The following KAZN variants were observed in gnomAD, a reference collection of about 807,000 sequenced individuals.
KAZN encodes the protein kazrin.
KAZN carries 40 observed loss-of-function variants against 87.4 expected under a neutral mutation model. The observed-to-expected ratio is 0.46, with a 90% CI of 0.36 to 0.60. KAZN has a LOEUF of 0.60. Ranked by LOEUF, KAZN falls within the 20% of genes least tolerant of loss-of-function variation. The probability of loss-of-function intolerance (pLI) is 0.00; values close to 1 mark genes in which losing one functional copy is unlikely to be tolerated. For missense variants in KAZN, 898 were observed against 1,073.9 expected, an observed-to-expected ratio of 0.84 and a Z score of 2.29; for synonymous variants, 466 against 458.3, an observed-to-expected ratio of 1.02 and a Z score of -0.22.
At chr1:14,002,072 G>C (rs1274247356) in intron 1 of KAZN, among the ~76,000 whole-genome samples, 2 of 152,090 alleles carry the variant, frequency 1.3e-5, no homozygotes, top group Non-Finnish European at 2.9e-5. Flanking sequence ...GCAACCTACA[G>C]AATGGGAAAA....
At chr1:14,137,534 T>C (rs1055900693) in intron 1 of KAZN, among the ~76,000 whole-genome samples, 8 of 152,090 alleles carry the variant, frequency 5.3e-5, no homozygotes, top group Admixed American at 1.3e-4. Flanking sequence ...CAGCTGGGTG[T>C]CCTTCGGCAA....
intron 1 of KAZN, among the ~76,000 whole-genome samples, chr1:14,687,284 G>A (rs934029059): frequency 2.0e-5 from 3 of 152,324 alleles, no homozygotes; most frequent in African/African-American, 7.2e-5. Context: ...CCTGGGCTAG[G>A]CACTGTGGGC....
chr1:14,180,295 A>G (rs1646169167), intron 1 of KAZN: 1 of 662,696 alleles, frequency 1.5e-6, no homozygotes, highest in South Asian at 2.1e-5. Context: ...AATGGAATTT[A>G]TAGATGTGTC....
At chr1:13,975,353 T>G (rs1638294019) in intron 1 of KAZN, among the ~76,000 whole-genome samples, 1 of 152,224 alleles carries the variant, frequency 6.6e-6, no homozygotes, top group African/African-American at 2.4e-5. Flanking sequence ...AAAAAAGGTC[T>G]CTTTATTCTA....
At chr1:15,023,612 C>T (rs752811094) in intron 2 of KAZN, among the ~76,000 whole-genome samples, 104 of 152,176 alleles carry the variant, frequency 6.8e-4, no homozygotes, top group Admixed American at 2.0e-3. Flanking sequence ...AAGGACTTTG[C>T]GCTCCCCCTT....
At chr1:13,946,741 C>T (rs79141173) in intron 1 of KAZN, among the ~76,000 whole-genome samples, 5,203 of 152,234 alleles carry the variant, frequency 0.034, 121 homozygotes, top group Middle Eastern at 0.072. Context: ...GGTCACCTGA[C>T]ACTGTCTTTA....
intron 2 of KAZN, among the ~76,000 whole-genome samples, chr1:14,975,609 A>G (rs1313550419): frequency 3.3e-5 from 5 of 152,214 alleles, no homozygotes; most frequent in African/African-American, 1.2e-4. Flanking sequence ...GAATATTGGT[A>G]TAGTCCAGGC....
intron 1 of KAZN, among the ~76,000 whole-genome samples, chr1:14,797,353 C>G (rs1645860880): frequency 6.6e-6 from 1 of 152,144 alleles, no homozygotes; most frequent in Non-Finnish European, 1.5e-5. Flanking sequence ...GAGCCACCAT[C>G]CCTGGCCTAT....
chr1:14,766,123 T>C (rs1037567337), intron 1 of KAZN, among the ~76,000 whole-genome samples: 4 of 152,070 alleles, frequency 2.6e-5, no homozygotes, highest in Non-Finnish European at 5.9e-5. Flanking sequence ...TAGGGGGATA[T>C]ATGAGAGCGA....
intron 1 of KAZN, among the ~76,000 whole-genome samples, chr1:14,807,607 A>G (rs1375901713): frequency 3.3e-5 from 5 of 152,088 alleles, no homozygotes; most frequent in African/African-American, 9.7e-5. Flanking sequence ...TGTCTCTACA[A>G]GTTAAAAAAG....
intron 1 of KAZN, among the ~76,000 whole-genome samples, chr1:14,022,532 A>C (rs1177207939): frequency 3.3e-5 from 5 of 150,654 alleles, no homozygotes; most frequent in Non-Finnish European, 7.4e-5. Context: ...AGAAAAAAGA[A>C]ATAAAAATAA....
intron 2 of KAZN, among the ~76,000 whole-genome samples, chr1:15,018,160 C>G (rs1670316471): frequency 6.6e-6 from 1 of 152,148 alleles, no homozygotes; most frequent in Non-Finnish European, 1.5e-5. Context: ...CGTCTGCTCA[C>G]ACATATAATT....
intron 1 of KAZN, among the ~76,000 whole-genome samples, chr1:14,609,594 CT>C: frequency 6.6e-6 from 1 of 152,344 alleles, no homozygotes; most frequent in East Asian, 1.9e-4. Context: ...ATTTACAGAG[CT>C]GATGCTCAGC....
intron 1 of KAZN, among the ~76,000 whole-genome samples, chr1:13,995,847 A>AT (rs1211507942): frequency 1.3e-5 from 2 of 151,906 alleles, no homozygotes; most frequent in African/African-American, 2.4e-5. Context: ...ATTTTTCCAG[A>AT]TTTTTTTTCT....
intron 1 of KAZN, among the ~76,000 whole-genome samples, chr1:13,976,795 T>A (rs897163003): frequency 2.0e-5 from 3 of 152,164 alleles, no homozygotes; most frequent in Non-Finnish European, 2.9e-5. Context: ...CAGCACTGTG[T>A]GTTTTTTTAA....
intron 2 of KAZN, among the ~76,000 whole-genome samples, chr1:14,437,653 A>C (rs1381948957): frequency 6.6e-6 from 1 of 152,100 alleles, no homozygotes; most frequent in Non-Finnish European, 1.5e-5. Flanking sequence ...ACCTCTCAGA[A>C]TCCGTGCCCC....
At chr1:14,431,243 A>G (rs1216817311) in intron 2 of KAZN, among the ~76,000 whole-genome samples, 2 of 152,136 alleles carry the variant, frequency 1.3e-5, no homozygotes, top group Non-Finnish European at 2.9e-5. Context: ...GTGCTCGACA[A>G]TTTCTCATTT....
At chr1:14,717,306 C>CGA (rs1557912096) in intron 1 of KAZN, among the ~76,000 whole-genome samples, 1 of 151,812 alleles carries the variant, frequency 6.6e-6, no homozygotes, top group East Asian at 1.9e-4. Context: ...TGTTGATGAA[C>CGA]GAGAAAGACA....
At chr1:14,278,926 C>CTTTTTTTTTTT (rs77998358) in intron 2 of KAZN, among the ~76,000 whole-genome samples, 2 of 97,770 alleles carry the variant, frequency 2.0e-5, no homozygotes, top group East Asian at 3.3e-4. Flanking sequence ...TCAAATTCAG[C>CTTTTTTTTTTT]TTTTTTTTTT....
Sources: gnomAD v4.1 joint callset for allele counts (sites outside exome capture counted in the v4.1 genomes callset) on GRCh38, gnomAD v4.1.1 for gene constraint, MANE v1.5 for transcripts, NCBI Gene and HGNC (gene_info 2026-07-23, HGNC 2026-07-21) for gene names.